Variants in PBRM1 observed in about 807,000 individuals in gnomAD.
PBRM1 encodes the protein polybromo 1, also known as protein polybromo-1.
A neutral mutation model predicts 194.5 loss-of-function variants in PBRM1; 27 were observed. The ratio of observed to expected loss-of-function variants is 0.14; its 90% CI spans 0.10 to 0.19. The LOEUF is 0.19. Among genes scored for constraint, PBRM1 ranks in the 10% least tolerant of loss-of-function variants. The pLI is 1.00. For synonymous variants in PBRM1, 655 were observed against 693.2 expected (o/e 0.94, Z 0.87); for missense variants, 1,466 against 2,077.2 (o/e 0.71, Z 5.72).
intron 26 of PBRM1, among the ~76,000 whole-genome samples, chr3:52,556,928 G>GTTT (rs199532939): frequency 1.4e-5 from 2 of 138,064 alleles, no homozygotes; most frequent in African/African-American, 2.6e-5. Context: ...TGCAGCTGCT[G>GTTT]TTTTTTTTTT....
At chr3:52,562,725 G>C (rs756533577) in intron 24 of PBRM1, among the ~76,000 whole-genome samples, 3 of 151,856 alleles carry the variant, frequency 2.0e-5, no homozygotes, top group Non-Finnish European at 2.9e-5. Context: ...ATTTTTAGTA[G>C]AGATGAGATC....
At chr3:52,618,111 G>C (rs2095065096) in intron 13 of PBRM1, among the ~76,000 whole-genome samples, 1 of 152,184 alleles carries the variant, frequency 6.6e-6, no homozygotes, top group Non-Finnish European at 1.5e-5. Context: ...TTCTGTCAGG[G>C]TCGTCCTTGC....
exon 17 of PBRM1, chr3:52,603,620 T>C (rs1220582073): frequency 6.2e-7 from 1 of 1,613,456 alleles, no homozygotes; most frequent in Non-Finnish European, 8.5e-7. Context: ...TGTTTTGTGG[T>C]ATAGCTGAGT....
chr3:52,595,248 T>C (rs1361544057), intron 17 of PBRM1, among the ~76,000 whole-genome samples: 2 of 152,084 alleles, frequency 1.3e-5, no homozygotes, highest in African/African-American at 4.8e-5. Flanking sequence ...TGTTTGATTG[T>C]GGTATAAGAT....
At chr3:52,641,860 C>T (rs2096100408) in intron 10 of PBRM1, 94 bp downstream of exon 11, 2 of 818,796 alleles carry the variant, frequency 2.4e-6, no homozygotes, top group South Asian at 1.3e-5. Flanking sequence ...CTTCCCAAAC[C>T]AGCAAACCCT....
intron 5 of PBRM1, among the ~76,000 whole-genome samples, chr3:52,653,503 C>T (rs1192390902): frequency 1.3e-5 from 2 of 151,408 alleles, no homozygotes; most frequent in South Asian, 2.1e-4. Flanking sequence ...GCAGGAGAAT[C>T]GCTTGAACCT....
At chr3:52,608,710 A>C (rs2094470873) in intron 16 of PBRM1, among the ~76,000 whole-genome samples, 1 of 152,112 alleles carries the variant, frequency 6.6e-6, no homozygotes, top group Non-Finnish European at 1.5e-5. Context: ...TTAATAGTCA[A>C]GTCTGCTATT....
chr3:52,673,200 C>G (rs1482695507), intron 2 of PBRM1, among the ~76,000 whole-genome samples: 1 of 150,872 alleles, frequency 6.6e-6, no homozygotes, highest in Non-Finnish European at 1.5e-5. Context: ...GTTGGCCAGG[C>G]TGGTCTCGAA....
At chr3:52,600,012 C>T (rs892971559) in intron 17 of PBRM1, among the ~76,000 whole-genome samples, 1 of 152,050 alleles carries the variant, frequency 6.6e-6, no homozygotes, top group African/African-American at 2.4e-5. Flanking sequence ...ATATTAATTA[C>T]AATCACAATT....
chr3:52,676,474 G>A (rs114246126), intron 2 of PBRM1, among the ~76,000 whole-genome samples: 2 of 152,242 alleles, frequency 1.3e-5, no homozygotes, highest in Non-Finnish European at 2.9e-5. Context: ...TCTTGCCACT[G>A]ATGTAAGAAG....
chr3:52,679,860 GTTTT>G (rs771655951), upstream of PBRM1: 4 of 399,282 alleles, frequency 1.0e-5, no homozygotes, highest in East Asian at 8.2e-5. Flanking sequence ...CTAGCTATAA[GTTTT>G]TTTTTTTTTT....
In PBRM1 at chr3:52,578,937, G is replaced by T. The variant is rs369418948; in HGVS notation, c.3533+117C>A. On this transcript the variant is annotated intron_variant, in intron 21 of 29. Coordinates refer to ENST00000296302, the Ensembl canonical transcript of PBRM1. ...GTTGGAGGGGAACATGGTGTGAGAAGAAGCTGGAGAAACTGCCAGGGGAAG... is the reference window on the plus strand; with the variant it reads ...GTTGGAGGGGAACATGGTGTGAGAATAAGCTGGAGAAACTGCCAGGGGAAG... 2.4e-5 allele frequency: 22 copies of T among 900,746 alleles called. 1 individual carries two copies. In the South Asian group the frequency reaches 2.8e-4, roughly 11 times the overall value. 55.8% of individuals were successfully genotyped at this position (900,746 alleles called of 1,614,324 possible).
chr3:52,562,464 G>A lies in PBRM1; in HGVS notation c.4087-496C>T, dbSNP rs1191992300. On this transcript the variant is annotated intron_variant, in intron 24 of 29. Coordinates refer to ENST00000296302, the Ensembl canonical transcript of PBRM1. ...TTCCTTATCTATTACAAGTAAAAAA[G>A]AAATGAAAGTTTCACTGAATTCCAT... Among the ~76,000 whole-genome samples the A allele has an allele frequency of 4.0e-5, 6 of 150,222 alleles. No individual in the cohort carries two copies. The East Asian group carries it at 1.2e-3, about 29-fold the overall frequency.
Position 52,609,122 on chromosome 3 carries a change from T to A in PBRM1, c.2567+191A>T, listed in dbSNP as rs911141649. On this transcript the variant is annotated intron_variant, in intron 16 of 29. Coordinates refer to ENST00000296302, the Ensembl canonical transcript of PBRM1. The surrounding 1 kb of genome is among the most constrained non-coding windows in gnomAD (Gnocchi z 4.1). The stretch of plus-strand genomic sequence containing the variant: ...ACTGGCCTTAAACTAGATGACTTAG[T>A]GGTGTGCCTTCTCTCCCCCACAGAA... The A allele has an allele frequency of 7.3e-6, 4 of 549,516 alleles. No homozygotes were observed. Among genetic ancestry groups the A allele is most frequent in the African/African-American group, 1.9e-5 (1 of 52,866 alleles). 34.0% of individuals were successfully genotyped at this position (549,516 alleles called of 1,614,324 possible). A position where few individuals can be genotyped will look rare whatever the true frequency, so the allele number is the denominator to read the frequency against.
intron 19 of PBRM1, 72 bp downstream of exon 21, chr3:52,587,281 G>T: frequency 2.7e-6 from 3 of 1,099,128 alleles, no homozygotes; most frequent in Non-Finnish European, 2.7e-6. Context: ...TGTAAACATC[G>T]ATTATTTTCT....
chr3:52,674,643 A>AAAAAT (rs1193129880), intron 2 of PBRM1, among the ~76,000 whole-genome samples: 30 of 72,380 alleles, frequency 4.1e-4, no homozygotes, highest in African/African-American at 1.1e-3. Context: ...AAAAAAAAAA[A>AAAAAT]ATATATATAT....
intron 7 of PBRM1, among the ~76,000 whole-genome samples, chr3:52,647,886 T>C (rs2153771245): frequency 6.6e-6 from 1 of 151,866 alleles, no homozygotes; most frequent in East Asian, 1.9e-4. Flanking sequence ...CCCAACTCCA[T>C]GAATATAATA....
chr3:52,597,474 C>A (rs1279094728), intron 17 of PBRM1, among the ~76,000 whole-genome samples: 2 of 152,186 alleles, frequency 1.3e-5, no homozygotes, highest in East Asian at 3.8e-4. Context: ...TCAAGTGAAT[C>A]CCTGTGTAAT....
chr3:52,677,781 G>A (rs1363080799), intron 2 of PBRM1, among the ~76,000 whole-genome samples: 1 of 151,530 alleles, frequency 6.6e-6, no homozygotes, highest in African/African-American at 2.4e-5. Flanking sequence ...GGCTGGTCTC[G>A]AACTCCTGGC....
Sources: allele counts gnomAD v4.1 joint callset (sites outside exome capture counted in the v4.1 genomes callset), GRCh38; gene constraint gnomAD v4.1.1; non-coding constraint Gnocchi (gnomAD v3.1); transcripts MANE v1.5; gene names NCBI Gene and HGNC (gene_info 2026-07-23, HGNC 2026-07-21).